The following ANTXR1 variants were observed in gnomAD, a reference collection of about 807,000 sequenced individuals.
The protein encoded by ANTXR1 is ANTXR cell adhesion molecule 1.
In ANTXR1, 19 loss-of-function variants were observed where a neutral mutation model predicts 78.1. The ratio of observed to expected loss-of-function variants is 0.24; its 90% CI spans 0.17 to 0.36. The LOEUF (loss-of-function observed/expected upper bound fraction) is 0.36. Ranked by LOEUF, ANTXR1 falls within the 10% of genes least tolerant of loss-of-function variation. ANTXR1 has a pLI of 1.00. For missense variants in ANTXR1, 518 were observed against 718.6 expected (o/e 0.72, Z 3.19); for synonymous variants, 273 against 260.5 (o/e 1.05, Z -0.46).
intron 3 of ANTXR1, among the ~76,000 whole-genome samples, chr2:69,065,973 A>G (rs1291548784): frequency 1.3e-5 from 2 of 152,260 alleles, no homozygotes; most frequent in Non-Finnish European, 2.9e-5. Flanking sequence ...GCATTTGAGA[A>G]GAGTCCAATT....
At chr2:69,100,481 A>G (rs1227186850) in intron 9 of ANTXR1, among the ~76,000 whole-genome samples, 1 of 152,142 alleles carries the variant, frequency 6.6e-6, no homozygotes, top group Non-Finnish European at 1.5e-5. Flanking sequence ...CTTTCTTCCT[A>G]AACTCCCTGA....
chr2:69,145,372 A>G, intron 12 of ANTXR1: 1 of 1,597,502 alleles, frequency 6.3e-7, no homozygotes, highest in Non-Finnish European at 8.5e-7. Flanking sequence ...GCTTGCATGG[A>G]ATAGCAGAGA....
chr2:69,042,492 C>A (rs1669640845), intron 2 of ANTXR1, among the ~76,000 whole-genome samples: 1 of 152,112 alleles, frequency 6.6e-6, no homozygotes, highest in Admixed American at 6.6e-5. Context: ...TCCTCCAGGT[C>A]TTTGTTTCTG....
At chr2:69,112,334 G>A (rs1004529873) in intron 10 of ANTXR1, among the ~76,000 whole-genome samples, 11 of 152,258 alleles carry the variant, frequency 7.2e-5, no homozygotes, top group Non-Finnish European at 1.2e-4. Context: ...GCAGTTGGCA[G>A]GGGTGGAAAG....
chr2:69,101,122 T>TA (rs1671601522), intron 9 of ANTXR1, among the ~76,000 whole-genome samples: 2 of 152,196 alleles, frequency 1.3e-5, no homozygotes, highest in Admixed American at 1.3e-4. Flanking sequence ...TTTTCTAACT[T>TA]ATACTCCTTG....
chr2:69,161,335 C>G (rs1191543845), intron 13 of ANTXR1, among the ~76,000 whole-genome samples: 1 of 152,122 alleles, frequency 6.6e-6, no homozygotes, highest in Non-Finnish European at 1.5e-5. Context: ...TAAATAGTCT[C>G]AGTCTTAAGG....
At chr2:69,118,246 C>CAA (rs61565815) in intron 10 of ANTXR1, among the ~76,000 whole-genome samples, 1,316 of 94,928 alleles carry the variant, frequency 0.014, 30 homozygotes, top group African/African-American at 0.043. Flanking sequence ...CTTGTCTCTA[C>CAA]AAAAAAAAAA....
chr2:69,148,125 C>T (rs937735952), intron 12 of ANTXR1, among the ~76,000 whole-genome samples: 3 of 152,180 alleles, frequency 2.0e-5, no homozygotes, highest in African/African-American at 4.8e-5. Flanking sequence ...AATCTGATCA[C>T]GATGCCCCAG....
In ANTXR1 at chr2:69,047,715, T is replaced by A. The variant is rs368934363; in HGVS notation, c.296+2902T>A. Among the ~76,000 whole-genome samples the A allele has an allele frequency of 2.6e-4, 40 of 152,220 alleles. No homozygotes were observed. The East Asian group carries it at 7.3e-3, about 28-fold the overall frequency. On this transcript the variant is annotated intron_variant, in intron 3 of 17. Transcript: ENST00000303714. ...TAAATTTTCCTCCCCAGTCCACCAGTTTTGTTTACCTTCCAGTCTACTTGG... is the reference window on the plus strand; with the variant it reads ...TAAATTTTCCTCCCCAGTCCACCAGATTTGTTTACCTTCCAGTCTACTTGG...
At chr2:69,242,995 G>C (rs1256737036) in intron 17 of ANTXR1, among the ~76,000 whole-genome samples, 1 of 152,178 alleles carries the variant, frequency 6.6e-6, no homozygotes, top group South Asian at 2.1e-4. Context: ...TTCTGCAGTG[G>C]GTGGAACCCC....
At chr2:69,205,850 C>T (rs1475385709) in intron 17 of ANTXR1, among the ~76,000 whole-genome samples, 1 of 152,172 alleles carries the variant, frequency 6.6e-6, no homozygotes, top group East Asian at 1.9e-4. Context: ...AAACACTAAA[C>T]TTTTATTATA....
chr2:69,034,024 C>T (rs1388676877), intron 1 of ANTXR1, among the ~76,000 whole-genome samples: 1 of 152,166 alleles, frequency 6.6e-6, no homozygotes, highest in Non-Finnish European at 1.5e-5. Context: ...TTTGCTTCTA[C>T]TCTTTGCATA....
chr2:69,039,491 A>G (rs778659044), intron 1 of ANTXR1, among the ~76,000 whole-genome samples: 2 of 152,176 alleles, frequency 1.3e-5, no homozygotes, highest in Non-Finnish European at 2.9e-5. Flanking sequence ...GTGTTCAACT[A>G]TCACTACCTT....
intron 12 of ANTXR1, among the ~76,000 whole-genome samples, chr2:69,128,082 G>A (rs1672606073): frequency 6.6e-6 from 1 of 152,040 alleles, no homozygotes; most frequent in Admixed American, 6.5e-5. Context: ...AAATTAGCCT[G>A]GCATGGTGGC....
At position 69,164,028 on chromosome 2, in the gene ANTXR1, A is replaced by G. The variant is rs566904400; in HGVS notation, c.1048-6220A>G. Among the ~76,000 whole-genome samples the G allele has an allele frequency of 7.9e-5, 12 of 152,350 alleles. No individual in the cohort carries two copies. The South Asian group carries it at 1.0e-3, about 13-fold the overall frequency. On this transcript the variant is annotated intron_variant, in intron 13 of 17. Transcript: ENST00000303714. Reference sequence around the variant, plus strand: ...TAACTACCACATATGAACAGTCACAAGTTACATATCTGTGTTGGAACAAAA... The same window carrying G: ...TAACTACCACATATGAACAGTCACAGGTTACATATCTGTGTTGGAACAAAA...
rs754481424 is a variant in ANTXR1 at position 69,245,312 on chromosome 2, C to T, written c.1522C>T (p.Pro508Ser). The T allele has an allele frequency of 5.5e-5, 88 of 1,610,764 alleles. 1 individual carries two copies. Among genetic ancestry groups the T allele is most frequent in the Admixed American group, 3.0e-4 (18 of 59,732 alleles). The change falls in exon 18 of 18, where the codon CCT becomes TCT. Residue 508 changes from proline (P) to serine (S), a missense_variant. By Grantham distance (74) the Pro-to-Ser change is moderately conservative (BLOSUM62 -1). Around this residue, in one of 5 missense-constraint regions of ANTXR1, gnomAD observed 192 missense variants for 230.2 expected, o/e 0.83. Coordinates refer to ENST00000303714, the MANE Select transcript of ANTXR1 (RefSeq NM_032208.3). ...NNAYHTSSPP[P>S]APIYTPPPPA... Reference sequence around the variant, plus strand: ...CGCCTACCACACCTCCTCGCCGCCTCCTGCCCCCATCTACACTCCCCCACC... The same window carrying T: ...CGCCTACCACACCTCCTCGCCGCCTTCTGCCCCCATCTACACTCCCCCACC...
intron 12 of ANTXR1, among the ~76,000 whole-genome samples, chr2:69,130,975 T>TC (rs1469849037): frequency 6.6e-6 from 1 of 152,232 alleles, no homozygotes; most frequent in Non-Finnish European, 1.5e-5. Context: ...TGAAGAGTTT[T>TC]CCTCAATAAA....
intron 12 of ANTXR1, among the ~76,000 whole-genome samples, chr2:69,136,611 A>T (rs1672914422): frequency 6.6e-6 from 1 of 152,208 alleles, no homozygotes; most frequent in Non-Finnish European, 1.5e-5. Flanking sequence ...CAAAACCAAA[A>T]CTTGGAATGC....
chr2:69,187,495 T>C (rs1014729452), intron 16 of ANTXR1, among the ~76,000 whole-genome samples: 7 of 151,686 alleles, frequency 4.6e-5, no homozygotes, highest in Admixed American at 1.3e-4. Flanking sequence ...TGTGTGTCTG[T>C]GTGTAGGGAA....
Sources: allele counts gnomAD v4.1 joint callset (sites outside exome capture counted in the v4.1 genomes callset), GRCh38; gene constraint gnomAD v4.1.1; regional missense constraint gnomAD v4.1.1; transcripts MANE v1.5; gene names NCBI Gene and HGNC (gene_info 2026-07-23, HGNC 2026-07-21).